Variants in DPF3 observed in about 807,000 individuals in gnomAD.
DPF3 encodes the protein zinc finger protein DPF3.
Under a neutral mutation model 56.8 loss-of-function variants are expected in DPF3, and 18 were observed. That is an observed-to-expected ratio of 0.32 (90% CI 0.22 to 0.47). The LOEUF (loss-of-function observed/expected upper bound fraction) is 0.47. Among genes scored for constraint, DPF3 ranks in the 20% least tolerant of loss-of-function variants. DPF3 has a pLI of 1.00. For missense variants in DPF3, 403 were observed against 488.8 expected (o/e 0.82, Z 1.65); for synonymous variants, 188 against 180.2 (o/e 1.04, Z -0.35).
In DPF3 at chr14:72,611,453, G is replaced by A. The variant is rs993377362; in HGVS notation, c.*7844C>T. 3.9e-5 allele frequency among the ~76,000 whole-genome samples: 6 copies of A among 152,186 alleles called. No homozygotes were observed. The highest frequency in any genetic ancestry group is 4.8e-5 in the African/African-American group (2 of 41,444). ...CACACCAGCAGTGCCAGATACAGGC[G>A]TGGGGCAGCTGACCTTGCTGGGGTC... On this transcript the variant is annotated 3_prime_UTR_variant, in exon 11 of 11. Transcript: ENST00000556509.
In DPF3 at chr14:72,734,793, A is replaced by G. The variant is rs533497487; in HGVS notation, c.302-2859T>C. On this transcript the variant is annotated intron_variant, in intron 3 of 10. Coordinates refer to ENST00000556509, the MANE Select transcript of DPF3 (RefSeq NM_001280542.3). The stretch of plus-strand genomic sequence containing the variant: ...ATGATATTTCCAAGTTGCCACTGAA[A>G]TCACGACAATGGCCCCCTCTCATTG... 7.2e-5 allele frequency among the ~76,000 whole-genome samples: 11 copies of G among 152,308 alleles called. 1 individual carries two copies. The South Asian group carries it at 2.3e-3, about 32-fold the overall frequency.
chr14:72,732,595 T>G (rs1889706865), intron 3 of DPF3, among the ~76,000 whole-genome samples: 1 of 151,934 alleles, frequency 6.6e-6, no homozygotes, highest in Non-Finnish European at 1.5e-5. Context: ...ATGAGCAGAG[T>G]GGCCACTGCA....
chr14:72,798,031 G>T (rs748664188), intron 1 of DPF3, among the ~76,000 whole-genome samples: 1 of 151,968 alleles, frequency 6.6e-6, no homozygotes, highest in Non-Finnish European at 1.5e-5. Context: ...GAGGTGGGTG[G>T]ATCACCTGAG....
intron 6 of DPF3, among the ~76,000 whole-genome samples, chr14:72,700,965 G>A (rs1351862048): frequency 5.3e-5 from 8 of 152,216 alleles, no homozygotes; most frequent in Admixed American, 5.2e-4. Context: ...TTTCTCCTCT[G>A]AAGTCTGGAG....
chr14:72,624,423 C>T (rs1055217441), intron 9 of DPF3, among the ~76,000 whole-genome samples: 3 of 150,686 alleles, frequency 2.0e-5, no homozygotes, highest in Admixed American at 2.0e-4. Flanking sequence ...ACTGCAGCCT[C>T]CTTCTCCCGG....
At chr14:72,648,496 G>A (rs1191187035) in intron 8 of DPF3, among the ~76,000 whole-genome samples, 2 of 151,432 alleles carry the variant, frequency 1.3e-5, no homozygotes, top group Non-Finnish European at 2.9e-5. Flanking sequence ...AGGAGGCAGA[G>A]GTTGCAGTGA....
intron 1 of DPF3, among the ~76,000 whole-genome samples, chr14:72,861,712 G>GA (rs375398061): frequency 3.4e-5 from 2 of 59,120 alleles, no homozygotes; most frequent in Non-Finnish European, 6.5e-5. Flanking sequence ...GAGAGAGAAA[G>GA]AAGAAAGAGA....
intron 1 of DPF3, among the ~76,000 whole-genome samples, chr14:72,804,734 A>T (rs4903061): frequency 0.3 from 45,566 of 152,054 alleles, 7,148 homozygotes; most frequent in African/African-American, 0.37. Flanking sequence ...AATCTGATTC[A>T]ACTGAGTGAA....
At chr14:72,817,543 G>A (rs377296831) in intron 1 of DPF3, among the ~76,000 whole-genome samples, 1 of 152,010 alleles carries the variant, frequency 6.6e-6, no homozygotes, top group Non-Finnish European at 1.5e-5. Flanking sequence ...GCATGGTGGC[G>A]CAAGCCGGTA....
intron 2 of DPF3, among the ~76,000 whole-genome samples, chr14:72,756,167 A>C (rs1213194731): frequency 6.6e-6 from 1 of 152,174 alleles, no homozygotes; most frequent in East Asian, 1.9e-4. Flanking sequence ...CCTCCCTGGT[A>C]ACCAAGGCCA....
chr14:72,817,564 C>G (rs1463174990), intron 1 of DPF3, among the ~76,000 whole-genome samples: 1 of 152,108 alleles, frequency 6.6e-6, no homozygotes, highest in Non-Finnish European at 1.5e-5. Flanking sequence ...GTCCCAGCTA[C>G]TTAGGAGGCC....
At chr14:72,788,438 G>A (rs572780406) in intron 1 of DPF3, among the ~76,000 whole-genome samples, 1 of 152,074 alleles carries the variant, frequency 6.6e-6, no homozygotes, top group Non-Finnish European at 1.5e-5. Flanking sequence ...AGGAGGAGGG[G>A]GGCCGCAGAG....
At chr14:72,795,295 A>AATAT (rs71109748) in intron 1 of DPF3, among the ~76,000 whole-genome samples, 72 of 102,860 alleles carry the variant, frequency 7.0e-4, no homozygotes, top group East Asian at 1.6e-3. Flanking sequence ...AAAAAAAAAA[A>AATAT]ATATATATAT....
At chr14:72,863,110 A>T (rs199888394) in intron 1 of DPF3, among the ~76,000 whole-genome samples, 2 of 137,620 alleles carry the variant, frequency 1.5e-5, no homozygotes, top group Admixed American at 1.5e-4. Context: ...ATGTGTGTGT[A>T]TACATATATG....
intron 3 of DPF3, among the ~76,000 whole-genome samples, chr14:72,739,392 C>T (rs1890036776): frequency 1.3e-5 from 2 of 152,218 alleles, no homozygotes; most frequent in South Asian, 4.1e-4. Flanking sequence ...AAACCCACTT[C>T]CCACTGTTGT....
chr14:72,836,203 G>C (rs1289523623), intron 1 of DPF3: 2 of 985,698 alleles, frequency 2.0e-6, no homozygotes, highest in East Asian at 1.1e-4. Flanking sequence ...ACTGAGGACA[G>C]AGCACGGTGT....
chr14:72,762,396 C>A (rs759036944), intron 2 of DPF3, among the ~76,000 whole-genome samples: 5 of 151,700 alleles, frequency 3.3e-5, no homozygotes, highest in African/African-American at 4.8e-5. Context: ...AGAAATCAAT[C>A]AATGTAACTC....
intron 1 of DPF3, among the ~76,000 whole-genome samples, chr14:72,866,500 C>T (rs1885674391): frequency 6.6e-6 from 1 of 150,656 alleles, no homozygotes; most frequent in Non-Finnish European, 1.5e-5. Flanking sequence ...TCTGCTCCAT[C>T]GATACCAGCC....
chr14:72,682,947 A>G (rs1887225254), intron 7 of DPF3, among the ~76,000 whole-genome samples: 1 of 152,196 alleles, frequency 6.6e-6, no homozygotes, highest in African/African-American at 2.4e-5. Flanking sequence ...AGAAAAAAGG[A>G]ATTAAAAGGA....
Sources: gnomAD v4.1 joint callset for allele counts (sites outside exome capture counted in the v4.1 genomes callset) on GRCh38, gnomAD v4.1.1 for gene constraint, MANE v1.5 for transcripts, NCBI Gene and HGNC (gene_info 2026-07-23, HGNC 2026-07-21) for gene names.